ZSCAN5A: variants seen among roughly 807,000 people sequenced by gnomAD.
ZSCAN5A encodes zinc finger and SCAN domain-containing protein 5A.
In ZSCAN5A, 12 loss-of-function variants were observed where a neutral mutation model predicts 23.7. The observed-to-expected ratio is 0.51, with a 90% CI of 0.32 to 0.82. ZSCAN5A has a LOEUF of 0.82. Among genes scored for constraint, ZSCAN5A ranks in the 40% least tolerant of loss-of-function variants. ZSCAN5A has a pLI of 0.03. For synonymous variants in ZSCAN5A, 257 were observed against 239.9 expected, an observed-to-expected ratio of 1.07 and a Z score of -0.66; for missense variants, 597 against 617.9, an observed-to-expected ratio of 0.97 and a Z score of 0.36.
At chr19:56,258,689 C>A (rs2036906370) in intron 2 of ZSCAN5A, among the ~76,000 whole-genome samples, 2 of 152,190 alleles carry the variant, frequency 1.3e-5, no homozygotes, top group African/African-American at 4.8e-5. Flanking sequence ...GATCACAACA[C>A]TCTCCCATCT....
At chr19:56,301,522 C>G (rs781745359) in intron 2 of ZSCAN5A, among the ~76,000 whole-genome samples, 1 of 152,186 alleles carries the variant, frequency 6.6e-6, no homozygotes, top group Non-Finnish European at 1.5e-5. Flanking sequence ...TTACCGCAAC[C>G]TGTTTTATCA....
intron 2 of ZSCAN5A, among the ~76,000 whole-genome samples, chr19:56,247,763 C>G (rs942611849): frequency 2.0e-5 from 3 of 152,084 alleles, no homozygotes; most frequent in Non-Finnish European, 4.4e-5. Context: ...GCGATCTCGG[C>G]TCACTGCCAG....
intron 2 of ZSCAN5A, among the ~76,000 whole-genome samples, chr19:56,271,321 A>G (rs1387021154): frequency 6.6e-6 from 1 of 152,232 alleles, no homozygotes; most frequent in African/African-American, 2.4e-5. Context: ...TGTGCCAAAC[A>G]CAAATGGTGT....
chr19:56,272,801 G>A (rs1600147431), intron 2 of ZSCAN5A: 2 of 900,774 alleles, frequency 2.2e-6, no homozygotes, highest in Middle Eastern at 5.7e-4. Flanking sequence ...TCTATCCTAG[G>A]AGGAGAACAT....
chr19:56,321,125 C>T (rs920241199), intron 2 of ZSCAN5A: 28 of 673,452 alleles, frequency 4.2e-5, no homozygotes, highest in African/African-American at 8.9e-5. Flanking sequence ...CTGCTCCACG[C>T]TGCTAGGATG....
chr19:56,307,700 A>T (rs1371301698), intron 2 of ZSCAN5A, among the ~76,000 whole-genome samples: 1 of 152,234 alleles, frequency 6.6e-6, no homozygotes, highest in Non-Finnish European at 1.5e-5. Context: ...CCCTTCAGGT[A>T]ATACAATTTT....
rs183148720 is a variant in ZSCAN5A, at chr19:56,357,691, G to A, written c.-358+5544C>T. Among the ~76,000 whole-genome samples, 303 of 148,030 alleles carry A rather than the reference G, an allele frequency of 2.0e-3. 19 individuals are homozygous for A. The highest frequency in any genetic ancestry group is 0.014 in the East Asian group (71 of 5,164). ...GTACACAGACCAACGACACCATGAA[G>A]CAACTAGATTAACAAGTCTGCAAAA... On this transcript the variant is annotated intron_variant, in intron 2 of 6. Coordinates refer to the ZSCAN5A transcript ENST00000587340.
intron 1 of ZSCAN5A, among the ~76,000 whole-genome samples, chr19:56,364,590 T>A (rs1454427089): frequency 6.6e-6 from 1 of 152,194 alleles, no homozygotes; most frequent in Non-Finnish European, 1.5e-5. Context: ...TGACCCTACC[T>A]CTATTACAAG....
chr19:56,242,353 C>T (rs2035494541), intron 2 of ZSCAN5A, among the ~76,000 whole-genome samples: 1 of 152,184 alleles, frequency 6.6e-6, no homozygotes, highest in African/African-American at 2.4e-5. Context: ...TCCACAGAGG[C>T]ACCTTGCCCA....
chr19:56,323,781 C>G (rs558871447), intron 2 of ZSCAN5A, among the ~76,000 whole-genome samples: 313 of 152,128 alleles, frequency 2.1e-3, no homozygotes, highest in African/African-American at 7.0e-3. Context: ...GGTGATCCAC[C>G]CGCCTCAGCC....
chr19:56,222,504 C>T (rs2033366878), intron 5 of ZSCAN5A, 87 bp downstream of exon 5: 2 of 1,564,228 alleles, frequency 1.3e-6, no homozygotes, highest in Admixed American at 1.9e-5. Context: ...AGTGCCAACT[C>T]CCCCAGGGGA....
At chr19:56,312,459 T>C (rs1213685052) in intron 2 of ZSCAN5A, 1 of 152,198 alleles carries the variant, frequency 6.6e-6, no homozygotes, top group Admixed American at 6.5e-5. Context: ...GTCAAAATCA[T>C]TAAAAACAAG....
intron 2 of ZSCAN5A, chr19:56,247,254 C>A: frequency 2.6e-6 from 1 of 389,672 alleles, no homozygotes; most frequent in South Asian, 2.9e-5. Context: ...ACAAACGGTT[C>A]AACAGGATGT....
intron 2 of ZSCAN5A, among the ~76,000 whole-genome samples, chr19:56,346,149 TAA>T (rs72389651): frequency 1.0e-4 from 13 of 126,080 alleles, no homozygotes; most frequent in African/African-American, 1.2e-4. Flanking sequence ...TTTGCTCAAT[TAA>T]AAAAAAAAAA....
chr19:56,309,683 T>G (rs912276634), intron 2 of ZSCAN5A, among the ~76,000 whole-genome samples: 1 of 152,118 alleles, frequency 6.6e-6, no homozygotes, highest in Admixed American at 6.5e-5. Flanking sequence ...CACACCAGGC[T>G]AGGGGGTGCA....
At chr19:56,328,054 C>A (rs1477878766) in intron 2 of ZSCAN5A, among the ~76,000 whole-genome samples, 1 of 152,080 alleles carries the variant, frequency 6.6e-6, no homozygotes, top group African/African-American at 2.4e-5. Flanking sequence ...ATAATAAACT[C>A]AACATTTATG....
intron 2 of ZSCAN5A, among the ~76,000 whole-genome samples, chr19:56,295,513 T>G (rs1476252796): frequency 6.6e-6 from 1 of 152,090 alleles, no homozygotes; most frequent in Non-Finnish European, 1.5e-5. Flanking sequence ...GAGAATCGCT[T>G]GAACCCGGGA....
chr19:56,244,315 G>A (rs771459579), intron 2 of ZSCAN5A: 1 of 1,608,354 alleles, frequency 6.2e-7, no homozygotes, highest in East Asian at 2.2e-5. Flanking sequence ...TGATGGAGCA[G>A]TTCATGATCT....
chr19:56,306,040 A>G (rs2040664035), intron 2 of ZSCAN5A, among the ~76,000 whole-genome samples: 1 of 152,152 alleles, frequency 6.6e-6, no homozygotes, highest in South Asian at 2.1e-4. Flanking sequence ...AGACCACCTC[A>G]GACCTGGAAG....
Sources: gnomAD v4.1 joint callset for allele counts (sites outside exome capture counted in the v4.1 genomes callset) on GRCh38, gnomAD v4.1.1 for gene constraint, MANE v1.5 for transcripts, NCBI Gene and HGNC (gene_info 2026-07-23, HGNC 2026-07-21) for gene names.